RAB31: variants seen among roughly 807,000 people sequenced by gnomAD.
RAB31 encodes the protein RAB31, member RAS oncogene family.
A neutral mutation model predicts 25.6 loss-of-function variants in RAB31; 21 were observed. The ratio of observed to expected loss-of-function variants is 0.82; its 90% CI spans 0.58 to 1.18. RAB31 has a LOEUF of 1.18. Ranked by LOEUF, RAB31 falls within the 50% of genes most tolerant of loss-of-function variation. RAB31 has a pLI of 0.00. For missense variants in RAB31, 196 were observed against 250.1 expected (o/e 0.78, Z 1.46); for synonymous variants, 87 against 84.0 (o/e 1.04, Z -0.20).
intron 1 of RAB31, among the ~76,000 whole-genome samples, chr18:9,748,004 G>A (rs1317099816): frequency 6.6e-6 from 1 of 152,170 alleles, no homozygotes; most frequent in Non-Finnish European, 1.5e-5. Flanking sequence ...CATCCACACA[G>A]GAAACACAGT....
At chr18:9,833,068 G>A (rs934541061) in intron 5 of RAB31, among the ~76,000 whole-genome samples, 9 of 152,154 alleles carry the variant, frequency 5.9e-5, no homozygotes, top group African/African-American at 2.2e-4. Context: ...GTGAACCGCC[G>A]TGTCAGACTT....
intron 1 of RAB31, among the ~76,000 whole-genome samples, chr18:9,757,737 GA>G (rs563624494): frequency 1.3e-5 from 2 of 152,212 alleles, no homozygotes; most frequent in Non-Finnish European, 2.9e-5. Context: ...CCCCTTTGGG[GA>G]ATGTGCAGGA....
chr18:9,857,367 G>C (rs2017786), intron 6 of RAB31, among the ~76,000 whole-genome samples: 5 of 151,728 alleles, frequency 3.3e-5, no homozygotes, highest in African/African-American at 4.8e-5. Flanking sequence ...ATTGTCATTA[G>C]GTAACACCCA....
intron 3 of RAB31, among the ~76,000 whole-genome samples, chr18:9,811,955 G>A (rs973704181): frequency 2.6e-5 from 4 of 152,190 alleles, no homozygotes; most frequent in Admixed American, 6.5e-5. Flanking sequence ...AACAACACAC[G>A]TTGATTTCTT....
chr18:9,787,423 G>C (rs1264247330), intron 2 of RAB31: 2 of 158,544 alleles, frequency 1.3e-5, no homozygotes, highest in Non-Finnish European at 2.9e-5. Context: ...TTATACTGGA[G>C]AGAAACTCTA....
At chr18:9,828,123 GGGAGCGAGCTT>G (rs2068659246) in intron 5 of RAB31, among the ~76,000 whole-genome samples, 2 of 152,144 alleles carry the variant, frequency 1.3e-5, no homozygotes, top group South Asian at 4.1e-4. Flanking sequence ...GCCTGGAGGT[GGGAGCGAGCTT>G]GGCACGTGTT....
chr18:9,708,364 G>A lies in RAB31; in HGVS notation c.-42G>A. 6.8e-7 allele frequency: 1 copy of A among 1,480,782 alleles called. No individual in the cohort carries two copies. 91.7% of individuals were successfully genotyped at this position (1,480,782 alleles called of 1,614,324 possible). A position where few individuals can be genotyped will look rare whatever the true frequency, so the allele number is the denominator to read the frequency against. ...GGCGGGGCGCGGGCGCGGCGGCCCC[G>A]GAGGATGCTGCTGAGCCCCGGCACT... On this transcript the variant is annotated 5_prime_UTR_variant, in exon 1 of 7. Transcript: ENST00000578921. The surrounding 1 kb of genome is among the most constrained non-coding windows in gnomAD (Gnocchi z 6.4).
rs1161797158 is a variant in RAB31, at chr18:9,715,528, CTT to C, written c.39+7102_39+7103del. Among the ~76,000 whole-genome samples the C allele has an allele frequency of 6.1e-3, 777 of 128,116 alleles. 2 individuals are homozygous for C. The highest frequency in any genetic ancestry group is 8.5e-3 in the Middle Eastern group (2 of 236). The allele number at this position is 128,116 out of a possible 152,430, so 84.0% of individuals were successfully genotyped here. ...ACTTGTCCTTTGTCTCTCTCTCTCT[CTT>C]TTTTTTTTTTTTTTTTTGACATGGA... On this transcript the variant is annotated intron_variant, in intron 1 of 6. Transcript: ENST00000578921.
chr18:9,780,938 AAAACAAAACAAAAC>A (rs869059286), intron 2 of RAB31, among the ~76,000 whole-genome samples: 1 of 36,652 alleles, frequency 2.7e-5, no homozygotes, highest in African/African-American at 6.8e-5. Flanking sequence ...CTTGTCTCAA[AAAACAAAACAAAAC>A]AGAACAAAAC....
intron 5 of RAB31, among the ~76,000 whole-genome samples, chr18:9,836,554 C>T (rs1387160775): frequency 1.3e-5 from 2 of 152,316 alleles, no homozygotes; most frequent in African/African-American, 4.8e-5. Context: ...TATAGTCCCC[C>T]CTACAAGAAT....
chr18:9,856,520 A>G (rs1344198033), intron 6 of RAB31, among the ~76,000 whole-genome samples: 3 of 152,242 alleles, frequency 2.0e-5, no homozygotes, highest in Non-Finnish European at 4.4e-5. Flanking sequence ...CATGAGGGAA[A>G]TAAAGTCATG....
chr18:9,790,986 T>C (rs375860407), intron 2 of RAB31, among the ~76,000 whole-genome samples: 3 of 152,264 alleles, frequency 2.0e-5, no homozygotes, highest in African/African-American at 7.2e-5. Flanking sequence ...AAAGGAAATA[T>C]GCAAAAAAGA....
chr18:9,743,180 AT>A (rs1313550731), intron 1 of RAB31, among the ~76,000 whole-genome samples: 2 of 152,146 alleles, frequency 1.3e-5, no homozygotes, highest in Admixed American at 6.5e-5. Flanking sequence ...TTTTCCTTGA[AT>A]TTTTTGATTT....
At chr18:9,746,324 G>C (rs1000628659) in intron 1 of RAB31, among the ~76,000 whole-genome samples, 1 of 152,190 alleles carries the variant, frequency 6.6e-6, no homozygotes, top group Middle Eastern at 3.4e-3. Context: ...ACTTCTTATG[G>C]GTAAGATGGC....
chr18:9,790,201 T>C (rs927898545), intron 2 of RAB31, among the ~76,000 whole-genome samples: 3 of 152,088 alleles, frequency 2.0e-5, no homozygotes, highest in Non-Finnish European at 4.4e-5. Context: ...ATTTAAAATT[T>C]TAAAGTTGTT....
At chr18:9,801,966 A>T (rs983910232) in intron 3 of RAB31, among the ~76,000 whole-genome samples, 9 of 152,202 alleles carry the variant, frequency 5.9e-5, no homozygotes, top group African/African-American at 2.2e-4. Flanking sequence ...TGGCATCTTT[A>T]CTGAAAATCA....
rs112831962 is a variant in RAB31, at chr18:9,751,638, C to T, written c.40-23640C>T. On this transcript the variant is annotated intron_variant, in intron 1 of 6. Coordinates refer to ENST00000578921, the MANE Select transcript of RAB31 (RefSeq NM_006868.4). Reference sequence around the variant, plus strand: ...TTCTTTTGATGTATTGCTCTCCAACCGCAATGGTAGAGCAGCACATGATTA... The same window carrying T: ...TTCTTTTGATGTATTGCTCTCCAACTGCAATGGTAGAGCAGCACATGATTA... Among the ~76,000 whole-genome samples the T allele has an allele frequency of 1.2e-4, 19 of 152,252 alleles. 1 individual carries two copies. The highest frequency in any genetic ancestry group is 4.2e-4 in the South Asian group (2 of 4,818).
At chr18:9,811,876 G>T (rs968330236) in intron 3 of RAB31, among the ~76,000 whole-genome samples, 1 of 152,062 alleles carries the variant, frequency 6.6e-6, no homozygotes, top group Non-Finnish European at 1.5e-5. Flanking sequence ...CATTTTAATG[G>T]CTATAGAATA....
At chr18:9,709,526 G>A (rs529553725) in intron 1 of RAB31, among the ~76,000 whole-genome samples, 1 of 152,236 alleles carries the variant, frequency 6.6e-6, no homozygotes, top group Non-Finnish European at 1.5e-5. Flanking sequence ...TGATTTCGGT[G>A]AGGACTGAAT....
Sources: gnomAD v4.1 joint callset for allele counts (sites outside exome capture counted in the v4.1 genomes callset) on GRCh38, gnomAD v4.1.1 for gene constraint, Gnocchi (gnomAD v3.1) non-coding constraint, MANE v1.5 for transcripts, NCBI Gene and HGNC (gene_info 2026-07-23, HGNC 2026-07-21) for gene names.